The following FUBP3 variants were observed in gnomAD, a reference collection of about 807,000 sequenced individuals.
FUBP3 encodes far upstream element-binding protein 3.
Under a neutral mutation model 85.6 loss-of-function variants are expected in FUBP3, and 28 were observed. The ratio of observed to expected loss-of-function variants is 0.33; its 90% CI spans 0.24 to 0.45. The LOEUF (loss-of-function observed/expected upper bound fraction) is 0.45, where lower values mean the gene tolerates loss of function less well. Ranked by LOEUF, FUBP3 falls within the 20% of genes least tolerant of loss-of-function variation. The pLI is 1.00. For missense variants in FUBP3, 583 were observed against 755.1 expected (o/e 0.77, Z 2.67); for synonymous variants, 271 against 271.4 (o/e 1.00, Z 0.01).
intron 1 of FUBP3, among the ~76,000 whole-genome samples, chr9:130,586,484 C>T (rs1830342485): frequency 6.6e-6 from 1 of 152,106 alleles, no homozygotes. Context: ...TCACTGCAAC[C>T]TCTGCTTCTC....
intron 2 of FUBP3, among the ~76,000 whole-genome samples, chr9:130,608,115 C>G (rs941062343): frequency 3.3e-5 from 5 of 152,196 alleles, no homozygotes; most frequent in Admixed American, 3.3e-4. Context: ...TAGCACTGCC[C>G]TTTGTTTCTG....
intron 2 of FUBP3, among the ~76,000 whole-genome samples, chr9:130,598,492 T>C (rs1180002258): frequency 6.6e-6 from 1 of 152,246 alleles, no homozygotes; most frequent in Non-Finnish European, 1.5e-5. Flanking sequence ...CAACTTAGTT[T>C]TGTTTTTACG....
chr9:130,614,672 G>A (rs1831911617), intron 6 of FUBP3, among the ~76,000 whole-genome samples: 1 of 152,146 alleles, frequency 6.6e-6, no homozygotes, highest in Non-Finnish European at 1.5e-5. Context: ...ACCTGAGCAG[G>A]TCTGGATTAG....
intron 1 of FUBP3, among the ~76,000 whole-genome samples, chr9:130,585,183 TTTC>T (rs1203322308): frequency 6.6e-6 from 1 of 152,044 alleles, no homozygotes; most frequent in African/African-American, 2.4e-5. Flanking sequence ...AGATTTCTGG[TTTC>T]CCTAGAAAAG....
chr9:130,621,523 A>G lies in FUBP3; in HGVS notation c.771+1065A>G, dbSNP rs1004066255. Among the ~76,000 whole-genome samples the G allele has an allele frequency of 5.3e-5, 8 of 152,118 alleles. No homozygotes were observed. In the East Asian group the frequency reaches 1.5e-3, roughly 29 times the overall value. Reference sequence around the variant, plus strand: ...GTATGGTGTGTTTATTGGAAGGCAAAATTACTATTTTTCATCTTTTATCTA... The same window carrying G: ...GTATGGTGTGTTTATTGGAAGGCAAGATTACTATTTTTCATCTTTTATCTA... On this transcript the variant is annotated intron_variant, in intron 9 of 18. Coordinates refer to ENST00000319725, the MANE Select transcript of FUBP3 (RefSeq NM_003934.2).
chr9:130,600,946 G>A (rs575141828), intron 2 of FUBP3, among the ~76,000 whole-genome samples: 5 of 152,164 alleles, frequency 3.3e-5, no homozygotes, highest in Middle Eastern at 6.8e-3. Flanking sequence ...ACTGCACTCC[G>A]CTTGGGTGAC....
chr9:130,634,604 C>A, intron 16 of FUBP3, 63 bp from the exon 17 acceptor site: 2 of 1,358,718 alleles, frequency 1.5e-6, no homozygotes, highest in African/African-American at 1.4e-5. Flanking sequence ...CTGCAGCTGG[C>A]GGGCTGGGGC....
chr9:130,618,034 G>A (rs1832095796), intron 8 of FUBP3, 139 bp downstream of exon 8: 1 of 545,290 alleles, frequency 1.8e-6, no homozygotes. Context: ...AACAAAGTTT[G>A]GTGATGAAAA....
chr9:130,612,381 G>T lies in FUBP3; in HGVS notation c.225-75G>T. 1 of 853,834 alleles carries T rather than the reference G, an allele frequency of 1.2e-6. No homozygotes were observed. The highest frequency in any genetic ancestry group is 1.4e-5 in the South Asian group (1 of 69,616). The allele number at this position is 853,834 out of a possible 1,614,324, so 52.9% of individuals were successfully genotyped here. A position where few individuals can be genotyped will look rare whatever the true frequency, so the allele number is the denominator to read the frequency against. Reference sequence around the variant, plus strand: ...TTTTATCATGCAACATTGCCAGTATGGGCAGTTTGGGGACCTAAAATGGCT... The same window carrying T: ...TTTTATCATGCAACATTGCCAGTATTGGCAGTTTGGGGACCTAAAATGGCT... On this transcript the variant is annotated intron_variant, in intron 3 of 18. Transcript: ENST00000319725. The surrounding 1 kb of genome is among the most constrained non-coding windows in gnomAD (Gnocchi z 4.1).
At position 130,636,073 on chromosome 9, in the gene FUBP3, C is replaced by A. The variant is rs1056918439; in HGVS notation, c.1657C>A (p.Gln553Lys). 1 of 1,613,612 alleles carries A rather than the reference C, an allele frequency of 6.2e-7. No individual in the cohort carries two copies. The highest frequency in any genetic ancestry group is 1.3e-5 in the African/African-American group (1 of 74,942). ...AATGGCCTGGGCAGAATATTACAGA[C>A]AGCAGGTCGCTTTCTACGGACAGAC... ...YTMAWAEYYR[Q>K]QVAFYGQTLG... Residue 553 changes from glutamine to lysine, a missense_variant, in exon 18 of 19, where the codon CAG (glutamine) becomes AAG (lysine). This residue lies in a region of FUBP3 where 404 missense variants were observed against 516.8 expected (regional missense o/e 0.78). Transcript: ENST00000319725.
chr9:130,623,899 T>A (rs1201869549), intron 11 of FUBP3, among the ~76,000 whole-genome samples, 188 bp downstream of exon 11: 1 of 152,222 alleles, frequency 6.6e-6, no homozygotes, highest in Non-Finnish European at 1.5e-5. Context: ...CATTAATTAT[T>A]CTGCCTTTAT....
At chr9:130,608,702 AT>A (rs1337380994) in intron 2 of FUBP3, among the ~76,000 whole-genome samples, 2 of 152,216 alleles carry the variant, frequency 1.3e-5, no homozygotes, top group Admixed American at 6.5e-5. Flanking sequence ...TAGTGTCAAT[AT>A]TTTGGCTGTA....
rs1439660455 is a variant in FUBP3 at position 130,630,476 on chromosome 9, T to C, written c.1118-152T>C. On this transcript the variant is annotated intron_variant, in intron 12 of 18. Transcript: ENST00000319725. ...AGCCCTGGGTTTAGTTGGAACCACT[T>C]TGGAGTAAATAGAGACAACTTCTCT... 6.4e-5 allele frequency: 33 copies of C among 514,206 alleles called. No individual in the cohort carries two copies. The South Asian group carries it at 1.1e-3, about 17-fold the overall frequency. 31.9% of individuals were successfully genotyped at this position (514,206 alleles called of 1,614,324 possible).
intron 2 of FUBP3, among the ~76,000 whole-genome samples, chr9:130,599,898 C>G (rs948316763): frequency 6.6e-6 from 1 of 152,180 alleles, no homozygotes; most frequent in Non-Finnish European, 1.5e-5. Context: ...TTGGCTCCTC[C>G]CGTGCACCTC....
At chr9:130,587,530 T>C (rs1352932537) in intron 1 of FUBP3, among the ~76,000 whole-genome samples, 1 of 152,190 alleles carries the variant, frequency 6.6e-6, no homozygotes, top group East Asian at 1.9e-4. Context: ...TGCCTACAAG[T>C]GGGCCTCTCC....
rs764056487 is a variant in FUBP3 at position 130,634,647 on chromosome 9, C to T, written c.1511-20C>T. ...GTGAGGAGCCCGTAAGGCCTGACTG[C>T]TTTTGTGTTCTTCGCACAGGCCAGC... On this transcript the variant is annotated intron_variant, in intron 16 of 18. Transcript: ENST00000319725. 2.5e-6 allele frequency: 4 copies of T among 1,610,122 alleles called. No homozygotes were observed. The Admixed American group carries it at 6.7e-5, about 27-fold the overall frequency.
At chr9:130,605,724 C>T (rs559332953) in intron 2 of FUBP3, among the ~76,000 whole-genome samples, 5 of 152,322 alleles carry the variant, frequency 3.3e-5, no homozygotes, top group Non-Finnish European at 5.9e-5. Flanking sequence ...TGGCTCACAC[C>T]TGTAATCCCA....
At chr9:130,595,126 C>T (rs1438311205) in intron 1 of FUBP3, among the ~76,000 whole-genome samples, 2 of 149,174 alleles carry the variant, frequency 1.3e-5, no homozygotes, top group Middle Eastern at 3.2e-3. Context: ...CTTGGGAAGT[C>T]GAGACAGGAG....
chr9:130,631,657 G>A lies in FUBP3; in HGVS notation c.1352+27G>A, dbSNP rs781333574. ...TGAGTCTTTTGCATCAGTCTTGCCT[G>A]GGAGAATTCACTCGCTCCCCAGAGA... On this transcript the variant is annotated intron_variant, in intron 14 of 18. Transcript: ENST00000319725. The A allele has an allele frequency of 1.1e-5, 18 of 1,565,546 alleles. No homozygotes were observed. Among genetic ancestry groups the A allele is most frequent in the Non-Finnish European group, 7.0e-6 (8 of 1,136,166 alleles).
Sources: allele counts gnomAD v4.1 joint callset (sites outside exome capture counted in the v4.1 genomes callset), GRCh38; gene constraint gnomAD v4.1.1; regional missense constraint gnomAD v4.1.1; non-coding constraint Gnocchi (gnomAD v3.1); transcripts MANE v1.5; gene names NCBI Gene and HGNC (gene_info 2026-07-23, HGNC 2026-07-21).